HTR7: variants seen among roughly 807,000 people sequenced by gnomAD.
The protein encoded by HTR7 is 5-HT-7.
In HTR7, 16 loss-of-function variants were observed where a neutral mutation model predicts 34.0. The ratio of observed to expected loss-of-function variants is 0.47; its 90% CI spans 0.32 to 0.71. HTR7 has a LOEUF of 0.71. Among genes scored for constraint, HTR7 ranks in the 30% least tolerant of loss-of-function variants. The pLI, the probability that HTR7 is intolerant of heterozygous loss-of-function variation, is 0.04. For synonymous variants in HTR7, 265 were observed against 260.2 expected, an observed-to-expected ratio of 1.02 and a Z score of -0.18; for missense variants, 504 against 625.5, an observed-to-expected ratio of 0.81 and a Z score of 2.07.
intron 1 of HTR7, among the ~76,000 whole-genome samples, chr10:90,756,759 ATAT>A (rs1844837263): frequency 6.6e-6 from 1 of 152,162 alleles, no homozygotes; most frequent in African/African-American, 2.4e-5. Flanking sequence ...AAAAATTCAT[ATAT>A]TATATTTGTT....
intron 1 of HTR7, among the ~76,000 whole-genome samples, chr10:90,854,317 G>C (rs1429297738): frequency 2.0e-5 from 3 of 152,186 alleles, no homozygotes; most frequent in African/African-American, 7.2e-5. Context: ...TGGCACCACT[G>C]CACTCCAGCC....
At chr10:90,781,805 G>A (rs1369749739) in intron 1 of HTR7, among the ~76,000 whole-genome samples, 1 of 152,200 alleles carries the variant, frequency 6.6e-6, no homozygotes, top group African/African-American at 2.4e-5. Context: ...TCTAGCCACT[G>A]TTCTTTGCCC....
intron 1 of HTR7, among the ~76,000 whole-genome samples, chr10:90,831,011 C>A (rs1846161506): frequency 6.6e-6 from 1 of 152,204 alleles, no homozygotes; most frequent in African/African-American, 2.4e-5. Context: ...CAGGCACTTA[C>A]TCTCTATACC....
intron 2 of HTR7, among the ~76,000 whole-genome samples, chr10:90,748,281 C>T (rs377709930): frequency 2.6e-5 from 4 of 152,126 alleles, no homozygotes; most frequent in Non-Finnish European, 4.4e-5. Context: ...ATTACAGAGG[C>T]GCTCCACCAT....
At chr10:90,827,838 A>T (rs1469349261) in intron 1 of HTR7, among the ~76,000 whole-genome samples, 1 of 152,202 alleles carries the variant, frequency 6.6e-6, no homozygotes, top group Non-Finnish European at 1.5e-5. Flanking sequence ...GAAAACCAAC[A>T]AAGAACTTAA....
At chr10:90,845,540 C>A (rs540268128) in intron 1 of HTR7, among the ~76,000 whole-genome samples, 2 of 152,090 alleles carry the variant, frequency 1.3e-5, no homozygotes, top group African/African-American at 4.8e-5. Context: ...GACAGACACT[C>A]GAAAAACACC....
At chr10:90,761,415 G>C (rs1844932992) in intron 1 of HTR7, among the ~76,000 whole-genome samples, 1 of 151,996 alleles carries the variant, frequency 6.6e-6, no homozygotes, top group Non-Finnish European at 1.5e-5. Flanking sequence ...AGTAAAGTTA[G>C]GTACAGAATG....
intron 1 of HTR7, among the ~76,000 whole-genome samples, chr10:90,781,368 A>C (rs1333484859): frequency 1.3e-5 from 2 of 152,228 alleles, no homozygotes; most frequent in Non-Finnish European, 2.9e-5. Context: ...AACCCCTAAC[A>C]AATGAGCAAC....
intron 1 of HTR7, among the ~76,000 whole-genome samples, chr10:90,824,492 G>GA (rs530281209): frequency 2.6e-5 from 4 of 152,124 alleles, no homozygotes; most frequent in Non-Finnish European, 5.9e-5. Context: ...GGGAAAAGCA[G>GA]AAAAAAGAGT....
At chr10:90,790,821 G>A (rs1438403843) in intron 1 of HTR7, among the ~76,000 whole-genome samples, 2 of 151,968 alleles carry the variant, frequency 1.3e-5, no homozygotes, top group Non-Finnish European at 2.9e-5. Context: ...GAGAGAGAAA[G>A]GGAGATTGAG....
chr10:90,772,642 T>C (rs1289524827), intron 1 of HTR7, among the ~76,000 whole-genome samples: 1 of 152,226 alleles, frequency 6.6e-6, no homozygotes, highest in Non-Finnish European at 1.5e-5. Context: ...CATATTATTT[T>C]ACACATGTAT....
Position 90,751,747 on chromosome 10 carries a change from G to T in HTR7, c.540-2153C>A, listed in dbSNP as rs11186298. On this transcript the variant is annotated intron_variant, in intron 1 of 3. Coordinates refer to ENST00000336152, the MANE Select transcript of HTR7 (RefSeq NM_019859.4). ...AGCATTTAAAAAATTAGCATGCCTG[G>T]AATTCACAACCTAGTAAACTCCTAT... Among the ~76,000 whole-genome samples the T allele has an allele frequency of 3.0e-4, 45 of 152,180 alleles. 1 individual carries two copies. The East Asian group carries it at 8.7e-3, about 29-fold the overall frequency.
chr10:90,799,899 G>GA (rs1845598961), intron 1 of HTR7, among the ~76,000 whole-genome samples: 1 of 152,042 alleles, frequency 6.6e-6, no homozygotes. Context: ...ACAGATGGGA[G>GA]AAAAAATACC....
At chr10:90,788,123 T>C (rs1224941893) in intron 1 of HTR7, among the ~76,000 whole-genome samples, 1 of 152,092 alleles carries the variant, frequency 6.6e-6, no homozygotes, top group African/African-American at 2.4e-5. Context: ...CAAGGAAGAC[T>C]GCCATTATGG....
At chr10:90,789,363 A>G (rs948610527) in intron 1 of HTR7, among the ~76,000 whole-genome samples, 1 of 152,184 alleles carries the variant, frequency 6.6e-6, no homozygotes, top group Admixed American at 6.5e-5. Flanking sequence ...TTGAAGTGTA[A>G]AGAAGAAAAA....
chr10:90,783,586 T>C (rs1845339216), intron 1 of HTR7, among the ~76,000 whole-genome samples: 1 of 152,218 alleles, frequency 6.6e-6, no homozygotes, highest in South Asian at 2.1e-4. Flanking sequence ...AAATGGTATG[T>C]ATTTTTAAAA....
At chr10:90,753,734 T>C (rs904213603) in intron 1 of HTR7, among the ~76,000 whole-genome samples, 3 of 151,580 alleles carry the variant, frequency 2.0e-5, no homozygotes, top group Non-Finnish European at 4.4e-5. Flanking sequence ...TTAGATATGA[T>C]ATATATATAT....
chr10:90,826,049 C>A (rs1846068638), intron 1 of HTR7, among the ~76,000 whole-genome samples: 1 of 152,024 alleles, frequency 6.6e-6, no homozygotes, highest in Admixed American at 6.6e-5. Context: ...AAGACTACAT[C>A]AAAGCATTTA....
Position 90,749,273 on chromosome 10 carries a change from G to A in HTR7, c.861C>T (p.Ile287=), listed in dbSNP as rs763801173. 9 of 1,614,134 alleles carry A rather than the reference G, an allele frequency of 5.6e-6. No individual in the cohort carries two copies. In the South Asian group the frequency reaches 6.6e-5, roughly 12 times the overall value. ...GGAGCTTCACTATGCCATTCAGGGC[G>A]ATGACGCTGTCTGGCTCCACTCGAG... ...GFPRVEPDSV[I]ALNGIVKLQK... is the part of the protein sequence containing the mutation. Residue 287 remains isoleucine, a synonymous_variant, in exon 2 of 4, where the codon ATC becomes ATT. Coordinates refer to ENST00000336152, the MANE Select transcript of HTR7 (RefSeq NM_019859.4). This position sits in a 1 kb window ranked among gnomAD's most constrained non-coding sequence, Gnocchi z 4.2.
Sources: allele counts gnomAD v4.1 joint callset (sites outside exome capture counted in the v4.1 genomes callset), GRCh38; gene constraint gnomAD v4.1.1; non-coding constraint Gnocchi (gnomAD v3.1); transcripts MANE v1.5; gene names NCBI Gene and HGNC (gene_info 2026-07-23, HGNC 2026-07-21).